The following PROM1 variants were observed in gnomAD, a reference collection of about 807,000 sequenced individuals.
PROM1 encodes the protein prominin 1.
Under a neutral mutation model 116.9 loss-of-function variants are expected in PROM1, and 105 were observed. That is an observed-to-expected ratio of 0.90 (90% CI 0.77 to 1.06). The LOEUF (loss-of-function observed/expected upper bound fraction) is 1.06. Ranked by LOEUF, PROM1 falls within the 50% of genes least tolerant of loss-of-function variation. The pLI is 0.00. For missense variants in PROM1, 1,122 were observed against 1,045.2 expected (o/e 1.07, Z -1.01); for synonymous variants, 393 against 387.0 (o/e 1.02, Z -0.18).
rs777654968 is a variant in PROM1 at position 15,984,360 on chromosome 4, G to C, written c.2281-5C>G. 6 of 1,562,040 alleles carry C rather than the reference G, an allele frequency of 3.8e-6. No homozygotes were observed. Among genetic ancestry groups the C allele is most frequent in the African/African-American group, 2.7e-5 (2 of 73,224 alleles). On this transcript the variant is annotated splice_region_variant and splice_polypyrimidine_tract_variant and intron_variant, in intron 22 of 27. Transcript: ENST00000447510. Reference sequence around the variant, plus strand: ...CGATGCCACTTTCTCACTGATCTAGGGGGGTGGAAACACAGGGAAACTTTG... The same window carrying C: ...CGATGCCACTTTCTCACTGATCTAGCGGGGTGGAAACACAGGGAAACTTTG...
intron 2 of PROM1, among the ~76,000 whole-genome samples, chr4:16,069,445 C>T (rs1157130464): frequency 6.6e-6 from 1 of 152,214 alleles, no homozygotes; most frequent in Non-Finnish European, 1.5e-5. Context: ...TTTTACAATG[C>T]ATACTTTTAA....
intron 22 of PROM1, among the ~76,000 whole-genome samples, chr4:15,984,829 G>A (rs999799832): frequency 3.9e-5 from 6 of 152,190 alleles, no homozygotes; most frequent in Non-Finnish European, 8.8e-5. Flanking sequence ...ATATTACAAT[G>A]TATTAATAAT....
intron 15 of PROM1, among the ~76,000 whole-genome samples, chr4:15,997,623 C>T (rs979859868): frequency 6.6e-6 from 1 of 151,954 alleles, no homozygotes; most frequent in Non-Finnish European, 1.5e-5. Context: ...CCATGACTGG[C>T]TCATTTTTGT....
chr4:16,018,301 T>C (rs768044516), intron 9 of PROM1, 22 bp downstream of exon 9: 1 of 1,608,228 alleles, frequency 6.2e-7, no homozygotes, highest in Non-Finnish European at 8.5e-7. Context: ...CCCTTGACCA[T>C]GGCAAGCTCA....
chr4:16,046,679 T>A (rs899280033), intron 2 of PROM1, among the ~76,000 whole-genome samples: 2 of 152,244 alleles, frequency 1.3e-5, no homozygotes, highest in African/African-American at 2.4e-5. Context: ...CAAATACACA[T>A]GCATTTGCCT....
At position 16,051,539 on chromosome 4, in the gene PROM1, G is replaced by T. The variant is rs960562282; in HGVS notation, c.221-12538C>A. On this transcript the variant is annotated intron_variant, in intron 2 of 27. Transcript: ENST00000447510. ...TGTGTGCCAAGCCCTCTCTGAGCAC[G>T]GAATGAGTTGATTTTACGCTACAAG... Among the ~76,000 whole-genome samples, 6 of 152,202 alleles carry T rather than the reference G, an allele frequency of 3.9e-5. No homozygotes were observed. The South Asian group carries it at 1.2e-3, about 31-fold the overall frequency.
At chr4:16,054,171 A>G (rs1738472913) in intron 2 of PROM1, among the ~76,000 whole-genome samples, 1 of 152,166 alleles carries the variant, frequency 6.6e-6, no homozygotes, top group Non-Finnish European at 1.5e-5. Context: ...TCTCCATCAC[A>G]TCTACCCTAC....
chr4:16,039,320 A>T (rs1734640919), intron 2 of PROM1, among the ~76,000 whole-genome samples: 1 of 152,274 alleles, frequency 6.6e-6, no homozygotes, highest in Non-Finnish European at 1.5e-5. Context: ...ATCATTTATA[A>T]AAATTTTGCT....
chr4:15,981,090 T>C (rs1427116998), intron 23 of PROM1, among the ~76,000 whole-genome samples: 4 of 151,282 alleles, frequency 2.6e-5, no homozygotes, highest in African/African-American at 7.3e-5. Flanking sequence ...GCCTCCTGAG[T>C]AGCTGGGGCT....
chr4:15,974,103 A>C (rs1715423048), intron 26 of PROM1, among the ~76,000 whole-genome samples: 1 of 120,572 alleles, frequency 8.3e-6, no homozygotes, highest in African/African-American at 2.8e-5. Flanking sequence ...ACACAGACAC[A>C]CACACTCTCT....
At chr4:16,049,253 T>C (rs1159770263) in intron 2 of PROM1, among the ~76,000 whole-genome samples, 2 of 152,362 alleles carry the variant, frequency 1.3e-5, no homozygotes, top group East Asian at 3.9e-4. Context: ...AGGAATGTTA[T>C]TTGAATCTGT....
chr4:16,023,386 G>C lies in PROM1; in HGVS notation c.724C>G (p.Leu242Val), dbSNP rs775059094. Residue 242 changes from leucine to valine, a missense_variant, in exon 8 of 28, where the codon CTT (leucine) becomes GTT (valine). By Grantham distance (32) the Leu-to-Val change is conservative. Coordinates refer to ENST00000447510, the MANE Select transcript of PROM1 (RefSeq NM_006017.3). ...SINSVLGGGILDRLRPNIIPV... is the reference protein window; with the variant it reads ...SINSVLGGGIVDRLRPNIIPV... ...ATGATGTTGGGTCTCAGTCGGTCAA[G>C]AATTCCGCCTCCTAGCACTGAATTG... is the stretch of plus-strand genomic sequence containing the variant. 2 of 1,606,380 alleles carry C rather than the reference G, an allele frequency of 1.2e-6. No homozygotes were observed. The highest frequency in any genetic ancestry group is 3.4e-5 in the Admixed American group (2 of 59,186).
rs1326511063 is a variant in PROM1, at chr4:16,025,245, G to C, written c.577C>G (p.Leu193Val). Residue 193 changes from leucine to valine, a missense_variant, in exon 6 of 28, where the codon CTG becomes GTG. Leu to Val is a conservative substitution (Grantham distance 32, BLOSUM62 1). Transcript: ENST00000447510. The part of the protein sequence containing the change: ...VRTRIKRSRK[L>V]ADSNFKDLRT... ...AAGTCCTTGAAATTGCTATCTGCCA[G>C]TTTCCGACTCCTTTTGATCCGGGTT... 1 of 1,613,804 alleles carries C rather than the reference G, an allele frequency of 6.2e-7. No homozygotes were observed. The highest frequency in any genetic ancestry group is 8.5e-7 in the Non-Finnish European group (1 of 1,179,784).
chr4:16,035,424 TACTG>T (rs1183102290), intron 4 of PROM1, among the ~76,000 whole-genome samples: 1 of 152,248 alleles, frequency 6.6e-6, no homozygotes, highest in Non-Finnish European at 1.5e-5. Context: ...TTTCTAATGT[TACTG>T]ACTAAATATC....
In PROM1 at chr4:15,968,344, C is replaced by A. The variant is rs1350949252; in HGVS notation, c.*1049G>T. 9 of 152,204 alleles carry A rather than the reference C, an allele frequency of 5.9e-5. No homozygotes were observed. 9.4% of individuals were successfully genotyped at this position (152,204 alleles called of 1,614,324 possible). A position where few individuals can be genotyped will look rare whatever the true frequency, so the allele number is the denominator to read the frequency against. On this transcript the variant is annotated 3_prime_UTR_variant, in exon 28 of 28. Coordinates refer to ENST00000447510, the MANE Select transcript of PROM1 (RefSeq NM_006017.3). ...TACATCAACGTTAAATTTTGTCCGA[C>A]CAGTTCTTCATTGCTGATCACTTTT... is the stretch of plus-strand genomic sequence containing the variant.
intron 5 of PROM1, among the ~76,000 whole-genome samples, chr4:16,027,089 A>C (rs1208382240): frequency 6.6e-6 from 1 of 152,178 alleles, no homozygotes; most frequent in Non-Finnish European, 1.5e-5. Flanking sequence ...AAGATTTTTA[A>C]GTTTGGGTTA....
At chr4:15,991,563 A>G (rs548263669) in intron 17 of PROM1, among the ~76,000 whole-genome samples, 1 of 152,202 alleles carries the variant, frequency 6.6e-6, no homozygotes, top group South Asian at 2.1e-4. Context: ...CAGTGAAAGA[A>G]GCCAGACACA....
In PROM1 at chr4:16,075,318, C is replaced by T. The variant is rs377589559; in HGVS notation, c.220+369G>A. On this transcript the variant is annotated intron_variant, in intron 2 of 27. Coordinates refer to ENST00000447510, the MANE Select transcript of PROM1 (RefSeq NM_006017.3). ...AGGTGGCCATCAGTTGCTAGTTATTCGTTTCTCCTTTGATGACACACAATT... is the reference window on the plus strand; with the variant it reads ...AGGTGGCCATCAGTTGCTAGTTATTTGTTTCTCCTTTGATGACACACAATT... Among the ~76,000 whole-genome samples the T allele has an allele frequency of 1.4e-4, 21 of 152,276 alleles. No homozygotes were observed. The East Asian group carries it at 3.7e-3, about 27-fold the overall frequency.
At chr4:15,977,719 C>G (rs111609117) in intron 26 of PROM1, among the ~76,000 whole-genome samples, 21 of 152,320 alleles carry the variant, frequency 1.4e-4, no homozygotes, top group African/African-American at 4.6e-4. Flanking sequence ...CTGCCTCAGC[C>G]TCCCAAGTAG....
Sources: allele counts gnomAD v4.1 joint callset (sites outside exome capture counted in the v4.1 genomes callset), GRCh38; gene constraint gnomAD v4.1.1; transcripts MANE v1.5; gene names NCBI Gene and HGNC (gene_info 2026-07-23, HGNC 2026-07-21).